The following WWOX variants were observed in gnomAD, a reference collection of about 807,000 sequenced individuals.
WWOX encodes WW domain-containing oxidoreductase.
Under a neutral mutation model 46.2 loss-of-function variants are expected in WWOX, and 69 were observed. That is an observed-to-expected ratio of 1.49 (90% CI 1.23 to 1.82). The LOEUF (loss-of-function observed/expected upper bound fraction) is 1.82. WWOX is among the 40% of genes most tolerant of loss of function. WWOX has a pLI of 0.00. For synonymous variants in WWOX, 359 were observed against 202.6 expected (o/e 1.77, Z -6.56); for missense variants, 919 against 542.6 (o/e 1.69, Z -6.89).
chr16:78,261,823 T>A (rs1430998230), intron 5 of WWOX, among the ~76,000 whole-genome samples: 1 of 147,440 alleles, frequency 6.8e-6, no homozygotes, highest in African/African-American at 2.5e-5. Context: ...TATATACTTA[T>A]AATGTGGTGG....
At chr16:78,340,427 A>G (rs112703823) in intron 5 of WWOX, among the ~76,000 whole-genome samples, 27,120 of 118,888 alleles carry the variant, frequency 0.23, 8,695 homozygotes, top group African/African-American at 0.38. Flanking sequence ...CAGGCTGGTC[A>G]TGAACTCCTG....
At chr16:78,632,418 C>T (rs544090075) in intron 8 of WWOX, among the ~76,000 whole-genome samples, 1 of 151,966 alleles carries the variant, frequency 6.6e-6, no homozygotes, top group Non-Finnish European at 1.5e-5. Flanking sequence ...TTGGGCTTTC[C>T]TACTTAACGT....
intron 8 of WWOX, among the ~76,000 whole-genome samples, chr16:78,781,579 C>G (rs898590536): frequency 6.6e-6 from 1 of 152,172 alleles, no homozygotes; most frequent in Non-Finnish European, 1.5e-5. Context: ...ACATGTTTAT[C>G]TATCCCCCAC....
chr16:78,133,219 T>G (rs1328594116), intron 4 of WWOX, among the ~76,000 whole-genome samples: 1 of 152,206 alleles, frequency 6.6e-6, no homozygotes, highest in Non-Finnish European at 1.5e-5. Context: ...TATCCGCGTG[T>G]TATGTTTAAA....
chr16:78,522,071 G>T (rs751244445), intron 8 of WWOX, among the ~76,000 whole-genome samples: 1 of 150,726 alleles, frequency 6.6e-6, no homozygotes, highest in Admixed American at 6.6e-5. Flanking sequence ...ACCCACGTCT[G>T]TCTACATCCA....
chr16:78,448,855 G>C (rs2083621378), intron 8 of WWOX, among the ~76,000 whole-genome samples: 1 of 152,102 alleles, frequency 6.6e-6, no homozygotes, highest in Admixed American at 6.6e-5. Flanking sequence ...AACTGTCTTG[G>C]CGCTGGTGAG....
At chr16:78,503,547 A>G (rs2085120703) in intron 8 of WWOX, 1 of 152,240 alleles carries the variant, frequency 6.6e-6, no homozygotes, top group Non-Finnish European at 1.5e-5. Flanking sequence ...TCTCTCTAAA[A>G]GCATAATTGA....
intron 8 of WWOX, among the ~76,000 whole-genome samples, chr16:78,438,008 G>T (rs1339948410): frequency 1.3e-5 from 2 of 152,092 alleles, no homozygotes; most frequent in South Asian, 2.1e-4. Flanking sequence ...CACAAAACCA[G>T]GTGTTGTATC....
chr16:78,539,128 G>A (rs17777700), intron 8 of WWOX, among the ~76,000 whole-genome samples: 15,998 of 152,200 alleles, frequency 0.11, 1,036 homozygotes, highest in South Asian at 0.25. Flanking sequence ...CTGTCTGTAG[G>A]CCTTTAATGA....
chr16:78,578,918 T>C (rs766353925), intron 8 of WWOX, among the ~76,000 whole-genome samples: 7 of 152,220 alleles, frequency 4.6e-5, no homozygotes, highest in Non-Finnish European at 1.0e-4. Flanking sequence ...AATGCTGTTG[T>C]AGCTTTGTTG....
At chr16:78,567,620 C>T (rs879560419) in intron 8 of WWOX, among the ~76,000 whole-genome samples, 37 of 151,686 alleles carry the variant, frequency 2.4e-4, no homozygotes, top group Non-Finnish European at 4.7e-4. Flanking sequence ...CCAAGCTCGC[C>T]GCAGCCTGCT....
At chr16:78,432,987 T>C (rs1307301165) in intron 8 of WWOX, among the ~76,000 whole-genome samples, 2 of 151,966 alleles carry the variant, frequency 1.3e-5, no homozygotes, top group African/African-American at 4.8e-5. Context: ...ATGTTAAGTA[T>C]GGCTGAAAGT....
At chr16:78,930,333 A>G (rs2045596633) in intron 8 of WWOX, among the ~76,000 whole-genome samples, 1 of 142,708 alleles carries the variant, frequency 7.0e-6, no homozygotes, top group Admixed American at 7.1e-5. Flanking sequence ...ACTGGAGTGC[A>G]GTGGCACATT....
At chr16:78,216,330 A>G (rs1238228464) in intron 5 of WWOX, among the ~76,000 whole-genome samples, 2 of 152,212 alleles carry the variant, frequency 1.3e-5, no homozygotes, top group African/African-American at 4.8e-5. Flanking sequence ...CAGTGGACTG[A>G]TGGATGCGTT....
At chr16:78,110,127 G>A (rs779773680) in intron 3 of WWOX, among the ~76,000 whole-genome samples, 1 of 151,800 alleles carries the variant, frequency 6.6e-6, no homozygotes, top group Non-Finnish European at 1.5e-5. Context: ...GGATCCTGAG[G>A]TCAAGAGATC....
At chr16:78,840,647 T>C (rs966236593) in intron 8 of WWOX, among the ~76,000 whole-genome samples, 3 of 152,084 alleles carry the variant, frequency 2.0e-5, no homozygotes, top group Non-Finnish European at 4.4e-5. Context: ...CGAGGGATCT[T>C]GTTAAATTTG....
intron 5 of WWOX, among the ~76,000 whole-genome samples, chr16:78,334,913 C>G (rs1321236791): frequency 7.3e-6 from 1 of 137,026 alleles, no homozygotes; most frequent in African/African-American, 3.1e-5. Flanking sequence ...TGAGGAGATA[C>G]CATCTTTTTT....
intron 8 of WWOX, among the ~76,000 whole-genome samples, chr16:78,796,821 C>G (rs1407450820): frequency 3.0e-5 from 4 of 135,064 alleles, no homozygotes; most frequent in Admixed American, 2.3e-4. Context: ...GTTTCTTTAT[C>G]TTCTTCTTTT....
chr16:78,747,736 C>T (rs2049381954), intron 8 of WWOX, among the ~76,000 whole-genome samples: 1 of 152,186 alleles, frequency 6.6e-6, no homozygotes, highest in Non-Finnish European at 1.5e-5. Flanking sequence ...AGCGTCAGCC[C>T]ATGAGCTTAT....
Sources: allele counts gnomAD v4.1 joint callset (sites outside exome capture counted in the v4.1 genomes callset), GRCh38; gene constraint gnomAD v4.1.1; transcripts MANE v1.5; gene names NCBI Gene and HGNC (gene_info 2026-07-23, HGNC 2026-07-21).